AAMDC: variants seen among roughly 807,000 people sequenced by gnomAD.
The protein encoded by AAMDC is mth938 domain-containing protein.
Under a neutral mutation model 15.5 loss-of-function variants are expected in AAMDC, and 16 were observed. The ratio of observed to expected loss-of-function variants is 1.03; its 90% confidence interval spans 0.70 to 1.57. The LOEUF is 1.57. AAMDC is among the 40% of genes most tolerant of loss of function. AAMDC has a pLI of 0.00. For missense variants in AAMDC, 141 were observed against 144.9 expected (o/e 0.97, Z 0.14); for synonymous variants, 51 against 51.6 (o/e 0.99, Z 0.05).
chr11:77,856,030 G>T (rs1436973515), intron 2 of AAMDC, among the ~76,000 whole-genome samples: 1 of 152,102 alleles, frequency 6.6e-6, no homozygotes, highest in African/African-American at 2.4e-5. Context: ...GAGGTAGGGG[G>T]ATTCCTTGAG....
intron 5 of AAMDC, among the ~76,000 whole-genome samples, chr11:77,881,566 A>T (rs1951792257): frequency 6.6e-6 from 1 of 152,252 alleles, no homozygotes; most frequent in African/African-American, 2.4e-5. Flanking sequence ...CTGTAAAATG[A>T]AAAGAGAATA....
intron 1 of AAMDC, among the ~76,000 whole-genome samples, chr11:77,837,830 A>G (rs941844240): frequency 6.6e-6 from 1 of 152,168 alleles, no homozygotes; most frequent in African/African-American, 2.4e-5. Context: ...CTGAGAAGAC[A>G]GATTGCTTGA....
chr11:77,867,033 G>T (rs1951148870), intron 2 of AAMDC, among the ~76,000 whole-genome samples: 1 of 152,050 alleles, frequency 6.6e-6, no homozygotes. Flanking sequence ...TAGAGACAAA[G>T]TTTCACCACC....
At chr11:77,900,309 C>T (rs367648457) in intron 5 of AAMDC, among the ~76,000 whole-genome samples, 57 of 152,198 alleles carry the variant, frequency 3.7e-4, no homozygotes, top group South Asian at 2.5e-3. Context: ...CCATGTTAGC[C>T]AGGATGCTCT....
At chr11:77,828,891 A>G (rs1949298596) in intron 1 of AAMDC, among the ~76,000 whole-genome samples, 1 of 152,204 alleles carries the variant, frequency 6.6e-6, no homozygotes, top group Admixed American at 6.5e-5. Flanking sequence ...ACTAATATGG[A>G]AATTCAGAGA....
intron 2 of AAMDC, among the ~76,000 whole-genome samples, chr11:77,859,210 C>T (rs902053334): frequency 6.6e-6 from 1 of 152,214 alleles, no homozygotes; most frequent in African/African-American, 2.4e-5. Context: ...GGCTTGGTTT[C>T]CCAGAGGGGA....
rs938218292 is a variant in AAMDC at position 77,897,821 on chromosome 11, T to C, written c.329-2750T>C. Among the ~76,000 whole-genome samples the C allele has an allele frequency of 2.0e-4, 30 of 151,978 alleles. No individual in the cohort carries two copies. The East Asian group carries it at 3.1e-3, about 16-fold the overall frequency. On this transcript the variant is annotated intron_variant, in intron 5 of 5. Coordinates refer to the AAMDC transcript ENST00000304716. ...CACCCAGCCATATTATTGTTATTATTTTTAAGACATAGGGTCTTGTTCTGT... is the reference window on the plus strand; with the variant it reads ...CACCCAGCCATATTATTGTTATTATCTTTAAGACATAGGGTCTTGTTCTGT...
At chr11:77,900,737 A>C, downstream of AAMDC, 2 of 634,974 alleles carry the variant, frequency 3.1e-6, no homozygotes, top group Middle Eastern at 2.8e-4. Flanking sequence ...GATTTCAGAG[A>C]AGTTACAATA....
downstream of AAMDC, among the ~76,000 whole-genome samples, chr11:77,873,371 T>C (rs1177689302): frequency 2.6e-5 from 4 of 152,264 alleles, no homozygotes; most frequent in Non-Finnish European, 4.4e-5. Flanking sequence ...TCCTTATCTT[T>C]CTATTAATGG....
chr11:77,879,473 T>C (rs1951708524), intron 5 of AAMDC, among the ~76,000 whole-genome samples: 1 of 152,196 alleles, frequency 6.6e-6, no homozygotes, highest in Non-Finnish European at 1.5e-5. Flanking sequence ...AAGGTGCATG[T>C]GGCTTATTCT....
chr11:77,842,466 C>A lies in AAMDC; in HGVS notation c.-18-13C>A, dbSNP rs766646389. 3 of 1,606,642 alleles carry A rather than the reference C, an allele frequency of 1.9e-6. No individual in the cohort carries two copies. The highest frequency in any genetic ancestry group is 2.5e-6 in the Non-Finnish European group (3 of 1,177,900). On this transcript the variant is annotated splice_polypyrimidine_tract_variant and intron_variant, in intron 1 of 3. Transcript: ENST00000393427. ...TTTATAACTGATTTAGTATATTTTT[C>A]TTTTAATTTCAGACTTCAGTGAAGT...
chr11:77,878,311 A>G (rs1435850915), intron 5 of AAMDC, among the ~76,000 whole-genome samples: 7 of 151,976 alleles, frequency 4.6e-5, no homozygotes, highest in African/African-American at 9.7e-5. Context: ...GCAGTAAGCC[A>G]AGATCACGCC....
intron 5 of AAMDC, among the ~76,000 whole-genome samples, chr11:77,896,426 C>A (rs1591024137): frequency 6.6e-6 from 1 of 151,910 alleles, no homozygotes; most frequent in African/African-American, 2.4e-5. Flanking sequence ...CTGAGGCAGG[C>A]GGATCACCGG....
chr11:77,879,083 T>C (rs1284543950), intron 5 of AAMDC: 2 of 1,614,174 alleles, frequency 1.2e-6, no homozygotes, highest in South Asian at 1.1e-5. Flanking sequence ...ATGCGAGCAC[T>C]GGAGTTGTAG....
At chr11:77,896,161 TAC>T (rs1952508895) in intron 5 of AAMDC, among the ~76,000 whole-genome samples, 1 of 151,928 alleles carries the variant, frequency 6.6e-6, no homozygotes, top group South Asian at 2.1e-4. Flanking sequence ...AAAAGGATAT[TAC>T]ATTGACAAAG....
intron 1 of AAMDC, among the ~76,000 whole-genome samples, chr11:77,829,485 C>A (rs1949323959): frequency 6.6e-6 from 1 of 152,138 alleles, no homozygotes; most frequent in South Asian, 2.1e-4. Flanking sequence ...TTAAAATAAA[C>A]ATACCAAGAC....
downstream of AAMDC, chr11:77,876,903 C>T (rs1271485889): frequency 1.4e-6 from 1 of 696,402 alleles, no homozygotes; most frequent in Non-Finnish European, 2.6e-6. Flanking sequence ...ATAATTACAG[C>T]ACGATGGGCT....
chr11:77,853,910 C>T (rs1950501234), intron 2 of AAMDC, among the ~76,000 whole-genome samples: 1 of 151,842 alleles, frequency 6.6e-6, no homozygotes, highest in African/African-American at 2.4e-5. Context: ...CACTGTACTC[C>T]AGCCTGAGTG....
At chr11:77,905,352 G>A (rs1401694512), downstream of AAMDC, among the ~76,000 whole-genome samples, 3 of 151,934 alleles carry the variant, frequency 2.0e-5, no homozygotes, top group Non-Finnish European at 4.4e-5. Flanking sequence ...AGCTACTTGG[G>A]AGACTGAGAC....
Sources: gnomAD v4.1 joint callset for allele counts (sites outside exome capture counted in the v4.1 genomes callset) on GRCh38, gnomAD v4.1.1 for gene constraint, MANE v1.5 for transcripts, NCBI Gene and HGNC (gene_info 2026-07-23, HGNC 2026-07-21) for gene names.